Variants in CEP135 observed in about 807,000 individuals in gnomAD.
CEP135 encodes the protein centrosomal protein 135.
Under a neutral mutation model 157.3 loss-of-function variants are expected in CEP135, and 142 were observed. The observed-to-expected ratio is 0.90, with a 90% CI of 0.79 to 1.04. The LOEUF is 1.04. Among genes scored for constraint, CEP135 ranks in the 50% least tolerant of loss-of-function variants. The pLI is 0.00. For synonymous variants in CEP135, 396 were observed against 439.8 expected, an observed-to-expected ratio of 0.90 and a Z score of 1.25; for missense variants, 1,317 against 1,309.2, an observed-to-expected ratio of 1.01 and a Z score of -0.09.
intron 15 of CEP135, among the ~76,000 whole-genome samples, chr4:55,998,804 G>T (rs1377977584): frequency 6.6e-6 from 1 of 152,190 alleles, no homozygotes; most frequent in Non-Finnish European, 1.5e-5. Context: ...GGCGGAGGTT[G>T]CAGTGAGCTG....
chr4:55,999,892 A>G lies in CEP135; in HGVS notation c.2280+247A>G, dbSNP rs559222018. Among the ~76,000 whole-genome samples, 5 of 152,276 alleles carry G rather than the reference A, an allele frequency of 3.3e-5. No homozygotes were observed. The South Asian group carries it at 1.0e-3, about 32-fold the overall frequency. On this transcript the variant is annotated intron_variant, in intron 17 of 25. Transcript: ENST00000257287. ...TTCACTTATTCATTTCTTTTTTAAA[A>G]GGTTTATTTACTTTTGGCAGGATGT...
intron 25 of CEP135, among the ~76,000 whole-genome samples, chr4:56,026,759 G>A (rs1357592265): frequency 1.3e-5 from 2 of 152,334 alleles, no homozygotes; most frequent in Non-Finnish European, 1.5e-5. Context: ...ACTGAGGAAG[G>A]ATCAAAGGGA....
intron 15 of CEP135, among the ~76,000 whole-genome samples, chr4:55,995,112 T>G (rs1396983856): frequency 6.6e-6 from 1 of 152,226 alleles, no homozygotes; most frequent in Non-Finnish European, 1.5e-5. Flanking sequence ...CTCCCTTTAA[T>G]TACAGCATTT....
At chr4:56,008,523 G>C in intron 18 of CEP135, 141 bp downstream of exon 18, 1 of 645,296 alleles carries the variant, frequency 1.5e-6, no homozygotes, top group Non-Finnish European at 2.7e-6. Context: ...CATTTTCTCA[G>C]TCTCCAGCTT....
intron 7 of CEP135, chr4:55,965,379 T>G (rs1482857700): frequency 3.2e-6 from 1 of 311,532 alleles, no homozygotes. Context: ...ATATTCTTGT[T>G]GTATAGAACT....
At chr4:55,978,248 G>A (rs1729287804) in intron 11 of CEP135, among the ~76,000 whole-genome samples, 1 of 152,110 alleles carries the variant, frequency 6.6e-6, no homozygotes, top group African/African-American at 2.4e-5. Flanking sequence ...AAAAGACCAG[G>A]TTCCTACTGT....
At chr4:56,023,457 G>A (rs1383687372) in intron 24 of CEP135, among the ~76,000 whole-genome samples, 1 of 151,692 alleles carries the variant, frequency 6.6e-6, no homozygotes, top group Non-Finnish European at 1.5e-5. Context: ...ATTTTTTTAA[G>A]TATAAAGAAG....
Position 55,953,265 on chromosome 4 carries a change from A to G in CEP135, c.294A>G (p.Gln98=). 3 of 1,539,046 alleles carry G rather than the reference A, an allele frequency of 1.9e-6. No homozygotes were observed. Among genetic ancestry groups the G allele is most frequent in the East Asian group, 2.4e-5 (1 of 42,080 alleles). Reference sequence around the variant, plus strand: ...TGAAACTGAGAGAACATTCAGACCAACACGTTAAAGGTAAGTGAAAATTTG... The same window carrying G: ...TGAAACTGAGAGAACATTCAGACCAGCACGTTAAAGGTAAGTGAAAATTTG... ...ELMKLREHSD[Q]HVKELKTSLK... The change falls in exon 3 of 26, where the codon CAA becomes CAG. Residue 98 remains glutamine (Q), a synonymous_variant. Coordinates refer to ENST00000257287, the MANE Select transcript of CEP135 (RefSeq NM_025009.5).
Position 56,009,915 on chromosome 4 carries a change from A to T in CEP135, c.2505+12A>T. 1 of 1,607,962 alleles carries T rather than the reference A, an allele frequency of 6.2e-7. No individual in the cohort carries two copies. Among genetic ancestry groups the T allele is most frequent in the Non-Finnish European group, 8.5e-7 (1 of 1,178,124 alleles). On this transcript the variant is annotated intron_variant, in intron 19 of 25. Coordinates refer to ENST00000257287, the MANE Select transcript of CEP135 (RefSeq NM_025009.5). ...CAAGAGAAAATCAAGTATGAACACA[A>T]GGCATAAATTTTGATAGTTTTATAC...
chr4:56,015,795 A>G (rs1730752330), intron 21 of CEP135, among the ~76,000 whole-genome samples: 1 of 152,186 alleles, frequency 6.6e-6, no homozygotes, highest in South Asian at 2.1e-4. Flanking sequence ...TATGTGATTC[A>G]GATGATGCTT....
chr4:56,000,167 G>A (rs778579966), intron 17 of CEP135, among the ~76,000 whole-genome samples: 10 of 152,100 alleles, frequency 6.6e-5, no homozygotes, highest in Non-Finnish European at 1.2e-4. Flanking sequence ...TCCAGCCTGG[G>A]TGACAGAGCA....
Position 55,981,331 on chromosome 4 carries a change from C to T in CEP135, c.1731C>T (p.Asp577=). ...AGGAAAAAGAACTTGCGTTATCTGA[C>T]TTAAGAAGAATTATGGCAGAAAAGG... is the stretch of plus-strand genomic sequence containing the variant. ...MEKEKELALS[D]LRRIMAEKEA... is the part of the protein sequence containing the mutation. The change falls in exon 13 of 26, where the codon GAC becomes GAT. Residue 577 remains aspartate (D), a synonymous_variant. Transcript: ENST00000257287. 1.3e-6 allele frequency: 2 copies of T among 1,591,676 alleles called. No homozygotes were observed. Among genetic ancestry groups the T allele is most frequent in the Non-Finnish European group, 1.7e-6 (2 of 1,173,014 alleles).
chr4:56,029,891 G>A (rs1398791250), intron 25 of CEP135, among the ~76,000 whole-genome samples: 1 of 152,198 alleles, frequency 6.6e-6, no homozygotes, highest in Admixed American at 6.5e-5. Context: ...GTGAGTGAAC[G>A]TGAAGGCCTA....
intron 25 of CEP135, among the ~76,000 whole-genome samples, chr4:56,029,488 G>T (rs1214609840): frequency 6.6e-6 from 1 of 152,154 alleles, no homozygotes; most frequent in Non-Finnish European, 1.5e-5. Context: ...ATTACAAGGA[G>T]CTGTGGGCCA....
chr4:56,019,419 A>G lies in CEP135; in HGVS notation c.3079A>G (p.Arg1027Gly). The change falls in exon 23 of 26, where the codon AGA (arginine) becomes GGA (glycine). Residue 1027 changes from arginine to glycine, a missense_variant. Transcript: ENST00000257287. The stretch of plus-strand genomic sequence containing the variant: ...ACTGAAAAAACAACTTTCAAATGAG[A>G]GACATACAGTTAAAAACCTCGAATC... ...DLLKKQLSNE[R>G]HTVKNLESLL... 5 of 1,613,996 alleles carry G rather than the reference A, an allele frequency of 3.1e-6. No individual in the cohort carries two copies. Among genetic ancestry groups the G allele is most frequent in the Non-Finnish European group, 4.2e-6 (5 of 1,179,948 alleles).
chr4:55,971,157 C>T (rs1729013563), intron 9 of CEP135, 113 bp from the exon 10 acceptor site: 2 of 685,802 alleles, frequency 2.9e-6, no homozygotes, highest in Middle Eastern at 4.3e-4. Flanking sequence ...TATATGTACA[C>T]ACACGTATAT....
intron 19 of CEP135, 133 bp from the exon 20 acceptor site, chr4:56,011,279 T>A (rs1730572566): frequency 1.6e-6 from 1 of 609,682 alleles, no homozygotes; most frequent in Middle Eastern, 4.6e-4. Context: ...TATGTGAAAA[T>A]AACACTTAGG....
chr4:55,962,139 G>A (rs550030329), intron 6 of CEP135, among the ~76,000 whole-genome samples: 9 of 151,156 alleles, frequency 6.0e-5, no homozygotes, highest in African/African-American at 1.5e-4. Flanking sequence ...TCCCTCTGTC[G>A]CCCATGCTGA....
At chr4:55,973,879 C>T (rs1729106625) in intron 10 of CEP135, among the ~76,000 whole-genome samples, 1 of 152,176 alleles carries the variant, frequency 6.6e-6, no homozygotes, top group African/African-American at 2.4e-5. Flanking sequence ...ATGCTGAATG[C>T]AGTGGCTGCT....
Sources: allele counts gnomAD v4.1 joint callset (sites outside exome capture counted in the v4.1 genomes callset), GRCh38; gene constraint gnomAD v4.1.1; transcripts MANE v1.5; gene names NCBI Gene and HGNC (gene_info 2026-07-23, HGNC 2026-07-21).